The following CACNA1G variants were observed in gnomAD, a reference collection of about 807,000 sequenced individuals.
CACNA1G encodes calcium voltage-gated channel subunit alpha1 G.
CACNA1G carries 67 observed loss-of-function variants against 219.4 expected under a neutral mutation model. The observed-to-expected ratio is 0.31, with a 90% CI of 0.25 to 0.37. CACNA1G has a LOEUF of 0.37. CACNA1G is among the 10% of genes least tolerant of loss of function. The probability of loss-of-function intolerance (pLI) is 1.00; values close to 1 mark genes in which losing one functional copy is unlikely to be tolerated. For missense variants in CACNA1G, 2,380 were observed against 3,231.4 expected, an observed-to-expected ratio of 0.74 and a Z score of 6.39; for synonymous variants, 1,296 against 1,345.3, an observed-to-expected ratio of 0.96 and a Z score of 0.80.
In CACNA1G at chr17:50,621,564, G is replaced by C. The variant is rs1297850248; in HGVS notation, c.5926-96G>C. ...CGCCCCCCTGTGCTTCGTGAAAAGG[G>C]GGAAGTGGGGACTGAGAGAGAGCGC... is the stretch of plus-strand genomic sequence containing the variant. On this transcript the variant is annotated intron_variant, in intron 34 of 37. Coordinates refer to ENST00000359106, the MANE Select transcript of CACNA1G (RefSeq NM_018896.5). This position sits in a 1 kb window ranked among gnomAD's most constrained non-coding sequence, Gnocchi z 4.6. 1.5e-6 allele frequency: 2 copies of C among 1,362,894 alleles called. No homozygotes were observed. The highest frequency in any genetic ancestry group is 2.0e-6 in the Non-Finnish European group (2 of 982,646). 84.4% of individuals were successfully genotyped at this position (1,362,894 alleles called of 1,614,324 possible).
chr17:50,585,496 G>A (rs1156251850), intron 9 of CACNA1G, among the ~76,000 whole-genome samples: 1 of 152,180 alleles, frequency 6.6e-6, no homozygotes, highest in African/African-American at 2.4e-5. Context: ...GCTGGTGGGG[G>A]GAATAAGCGT....
chr17:50,624,358 A>T lies in CACNA1G; in HGVS notation c.6230-2A>T. ...CCCTCCCCCGCTTCCCTCCCTCCAC[A>T]GGCTCCGTCTTGTCCGTTCACTCCC... On this transcript the variant is annotated splice_acceptor_variant, in intron 36 of 37. Coordinates refer to ENST00000359106, the MANE Select transcript of CACNA1G (RefSeq NM_018896.5). LOFTEE classifies it high-confidence loss of function. 1 of 1,142,254 alleles carries T rather than the reference A, an allele frequency of 8.8e-7. No individual in the cohort carries two copies. The highest frequency in any genetic ancestry group is 1.3e-5 in the South Asian group (1 of 74,922). The allele number at this position is 1,142,254 out of a possible 1,614,324, so 70.8% of individuals were successfully genotyped here. A position where few individuals can be genotyped will look rare whatever the true frequency, so the allele number is the denominator to read the frequency against.
intron 1 of CACNA1G, among the ~76,000 whole-genome samples, chr17:50,565,220 C>T (rs1038673112): frequency 1.4e-4 from 21 of 152,216 alleles, no homozygotes; most frequent in Admixed American, 2.6e-4. Context: ...TTCCAGCGGG[C>T]CGTCTCTCTT....
Position 50,603,007 on chromosome 17 carries a change from G to A in CACNA1G, c.3985-8G>A. ...GAGGGCGGCCGATGACGTGGCGGTG[G>A]TCCCCAGGTGGTGGCACTGGGCTGG... On this transcript the variant is annotated splice_region_variant and splice_polypyrimidine_tract_variant and intron_variant, in intron 20 of 37. Transcript: ENST00000359106. This position sits in a 1 kb window ranked among gnomAD's most constrained non-coding sequence, Gnocchi z 6.4. The A allele has an allele frequency of 2.5e-6, 4 of 1,610,528 alleles. No homozygotes were observed. The highest frequency in any genetic ancestry group is 3.4e-6 in the Non-Finnish European group (4 of 1,177,532).
In CACNA1G at chr17:50,626,125, T is replaced by C; in HGVS notation, c.6508T>C (p.Trp2170Arg). ...GCCCCTGGCCCGGGCCTACTCTTTC[T>C]GGGGCCAGTCAAGTACCCAGGCACA... The part of the protein sequence containing the change: ...SPPLARAYSF[W>R]GQSSTQAQQH... Residue 2170 changes from tryptophan (W) to arginine (R), a missense_variant, in exon 38 of 38, where the codon TGG becomes CGG. Trp to Arg is a moderately radical substitution (Grantham distance 101). Around this residue, in one of 17 missense-constraint regions of CACNA1G, gnomAD observed 672 missense variants for 670.5 expected, o/e 1.00. Transcript: ENST00000359106. This position sits in a 1 kb window ranked among gnomAD's most constrained non-coding sequence, Gnocchi z 4.3. 6.2e-7 allele frequency: 1 copy of C among 1,613,716 alleles called. No homozygotes were observed. Among genetic ancestry groups the C allele is most frequent in the Non-Finnish European group, 8.5e-7 (1 of 1,179,848 alleles).
rs117993014 is a variant in CACNA1G at position 50,606,552 on chromosome 17, C to T, written c.4423-348C>T. On this transcript the variant is annotated intron_variant, in intron 23 of 37. Coordinates refer to ENST00000359106, the MANE Select transcript of CACNA1G (RefSeq NM_018896.5). ...ATATTGTCAAGATAATTCCTTTCCT[C>T]ACTCCATATTTGCAGAAACAGAAAT... 4,785 of 550,154 alleles carry T rather than the reference C, an allele frequency of 8.7e-3. 35 individuals carry two copies. Among genetic ancestry groups the T allele is most frequent in the Admixed American group, 0.025 (769 of 30,676 alleles). The allele number at this position is 550,154 out of a possible 1,614,324, so 34.1% of individuals were successfully genotyped here.
At chr17:50,574,617 G>A (rs2040219277) in intron 7 of CACNA1G, among the ~76,000 whole-genome samples, 4 of 152,166 alleles carry the variant, frequency 2.6e-5, no homozygotes, top group Admixed American at 2.6e-4. Context: ...GGGGAAGGAA[G>A]CAGACAGGGA....
rs1290038464 is a variant in CACNA1G, at chr17:50,603,689, C to T, written c.4170-466C>T. On this transcript the variant is annotated intron_variant, in intron 21 of 37. Coordinates refer to ENST00000359106, the MANE Select transcript of CACNA1G (RefSeq NM_018896.5). This position sits in a 1 kb window ranked among gnomAD's most constrained non-coding sequence, Gnocchi z 6.4. Reference sequence around the variant, plus strand: ...ACCCTCTCAGGAATCCCTTTCCAATCAGCCAGTCACCACCCCCAACTCAGA... The same window carrying T: ...ACCCTCTCAGGAATCCCTTTCCAATTAGCCAGTCACCACCCCCAACTCAGA... 6.6e-6 allele frequency among the ~76,000 whole-genome samples: 1 copy of T among 151,758 alleles called. No homozygotes were observed. The highest frequency in any genetic ancestry group is 6.5e-5 in the Admixed American group (1 of 15,270).
At chr17:50,613,981 A>G (rs767929379) in intron 26 of CACNA1G, among the ~76,000 whole-genome samples, 1 of 152,188 alleles carries the variant, frequency 6.6e-6, no homozygotes, top group African/African-American at 2.4e-5. Context: ...AGATGGCCTC[A>G]TGCATGCCTA....
At chr17:50,588,637 C>T (rs1423396837) in intron 9 of CACNA1G, among the ~76,000 whole-genome samples, 1 of 152,170 alleles carries the variant, frequency 6.6e-6, no homozygotes. Flanking sequence ...GGCAGTGCCC[C>T]CACTCACAAT....
chr17:50,561,243 G>A lies in CACNA1G; in HGVS notation c.-217G>A, dbSNP rs2035507779. On this transcript the variant is annotated 5_prime_UTR_variant, in exon 1 of 38. Coordinates refer to ENST00000359106, the MANE Select transcript of CACNA1G (RefSeq NM_018896.5). The stretch of plus-strand genomic sequence containing the variant: ...GGGGCGCAGGGGAAGCGGGACTCGC[G>A]CCGGGCGGGGTTTCCCTGCGCCCCG... 1 of 553,618 alleles carries A rather than the reference G, an allele frequency of 1.8e-6. No homozygotes were observed. Among genetic ancestry groups the A allele is most frequent in the Non-Finnish European group, 3.1e-6 (1 of 318,068 alleles). 34.3% of individuals were successfully genotyped at this position (553,618 alleles called of 1,614,324 possible).
intron 1 of CACNA1G, 41 bp from the exon 2 acceptor site, chr17:50,568,829 C>A: frequency 6.5e-7 from 1 of 1,544,554 alleles, no homozygotes; most frequent in Non-Finnish European, 8.9e-7. Context: ...GGGCCGGCCT[C>A]AGCTCCAGCC....
chr17:50,597,027 A>G, intron 16 of CACNA1G, 104 bp downstream of exon 16: 1 of 1,061,988 alleles, frequency 9.4e-7, no homozygotes, highest in Non-Finnish European at 1.3e-6. Context: ...CCCCTGCCCC[A>G]TGGGCTGGAT....
intron 9 of CACNA1G, among the ~76,000 whole-genome samples, chr17:50,587,402 G>T (rs751511026): frequency 6.6e-6 from 1 of 152,210 alleles, no homozygotes; most frequent in Non-Finnish European, 1.5e-5. Context: ...ACTGCCAGAT[G>T]TTGGCTCCAC....
Position 50,575,563 on chromosome 17 carries a change from C to A in CACNA1G, c.1161C>A (p.Ile387=). The change falls in exon 8 of 38, where the codon ATC becomes ATA. Residue 387 remains isoleucine (I), a synonymous_variant. Coordinates refer to ENST00000359106, the MANE Select transcript of CACNA1G (RefSeq NM_018896.5). ...LLIIVGSFFM[I]NLCLVVIATQ... is the part of the protein sequence containing the mutation. ...TACAGGTGGGCTCCTTCTTCATGATCAACCTGTGCCTGGTGGTGATTGCCA... is the reference window on the plus strand; with the variant it reads ...TACAGGTGGGCTCCTTCTTCATGATAAACCTGTGCCTGGTGGTGATTGCCA... 1 of 1,609,198 alleles carries A rather than the reference C, an allele frequency of 6.2e-7. No individual in the cohort carries two copies. Among genetic ancestry groups the A allele is most frequent in the South Asian group, 1.1e-5 (1 of 90,958 alleles).
chr17:50,575,478 T>A, intron 7 of CACNA1G, 65 bp from the exon 8 acceptor site: 2 of 1,484,668 alleles, frequency 1.3e-6, no homozygotes, highest in East Asian at 4.8e-5. Context: ...CCTCCGTATG[T>A]GGTGGCTGGC....
In CACNA1G at chr17:50,626,969, G is replaced by A. The variant is rs760895969; in HGVS notation, c.*218G>A. On this transcript the variant is annotated 3_prime_UTR_variant, in exon 38 of 38. Transcript: ENST00000359106. The surrounding 1 kb of genome is among the most constrained non-coding windows in gnomAD (Gnocchi z 4.3). The stretch of plus-strand genomic sequence containing the variant: ...TGGCTCCAGGCAGAAGGAGAGGCCC[G>A]GTGCAGCTGAGGTTCCCGACACCAG... The A allele has an allele frequency of 2.1e-5, 15 of 699,406 alleles. No individual in the cohort carries two copies. The highest frequency in any genetic ancestry group is 1.4e-4 in the Admixed American group (7 of 49,816). The allele number at this position is 699,406 out of a possible 1,614,324, so 43.3% of individuals were successfully genotyped here. A position where few individuals can be genotyped will look rare whatever the true frequency, so the allele number is the denominator to read the frequency against.
rs545187846 is a variant in CACNA1G, at chr17:50,580,435, G to A, written c.2301+1871G>A. ...TCCCCAGTGCCCCCTCCCTACCCCG[G>A]GGGGAGCACCCAGCAGTCCCTGCCC... On this transcript the variant is annotated intron_variant, in intron 9 of 37. Coordinates refer to ENST00000359106, the MANE Select transcript of CACNA1G (RefSeq NM_018896.5). Among the ~76,000 whole-genome samples the A allele has an allele frequency of 1.6e-3, 240 of 152,242 alleles. 2 individuals carry two copies. The highest frequency in any genetic ancestry group is 5.6e-3 in the African/African-American group (233 of 41,550).
At chr17:50,576,978 C>T (rs1203287729) in intron 8 of CACNA1G, among the ~76,000 whole-genome samples, 1 of 152,204 alleles carries the variant, frequency 6.6e-6, no homozygotes, top group Non-Finnish European at 1.5e-5. Context: ...CGGGCTCTCC[C>T]CAGCAGACAG....
Sources: allele counts gnomAD v4.1 joint callset (sites outside exome capture counted in the v4.1 genomes callset), GRCh38; gene constraint gnomAD v4.1.1; regional missense constraint gnomAD v4.1.1; non-coding constraint Gnocchi (gnomAD v3.1); transcripts MANE v1.5; gene names NCBI Gene and HGNC (gene_info 2026-07-23, HGNC 2026-07-21).